The following ARHGEF28 variants were observed in gnomAD, a reference collection of about 807,000 sequenced individuals.
The protein encoded by ARHGEF28 is 190 kDa guanine nucleotide exchange factor.
In ARHGEF28, 152 loss-of-function variants were observed where a neutral mutation model predicts 206.6. The ratio of observed to expected loss-of-function variants is 0.74; its 90% CI spans 0.64 to 0.84. The LOEUF (loss-of-function observed/expected upper bound fraction) is 0.84. Among genes scored for constraint, ARHGEF28 ranks in the 40% least tolerant of loss-of-function variants. The pLI is 0.00. For synonymous variants in ARHGEF28, 763 were observed against 776.4 expected (o/e 0.98, Z 0.29); for missense variants, 2,028 against 2,073.2 (o/e 0.98, Z 0.42).
chr5:73,906,471 C>G (rs1358721520), intron 33 of ARHGEF28, among the ~76,000 whole-genome samples: 2 of 152,214 alleles, frequency 1.3e-5, no homozygotes, highest in East Asian at 3.9e-4. Flanking sequence ...ATCTACCTGC[C>G]TTGGCCTCCC....
chr5:73,841,684 G>C (rs1285581029), intron 11 of ARHGEF28, among the ~76,000 whole-genome samples: 4 of 144,956 alleles, frequency 2.8e-5, no homozygotes, highest in South Asian at 2.2e-4. Flanking sequence ...CAACCTGGGT[G>C]ACAGAGTGAG....
chr5:73,705,312 C>G (rs949589889), intron 2 of ARHGEF28, among the ~76,000 whole-genome samples: 1 of 152,196 alleles, frequency 6.6e-6, no homozygotes, highest in African/African-American at 2.4e-5. Context: ...CACCTCTTTG[C>G]GTTACACTCT....
chr5:73,929,158 T>A (rs944414921), intron 35 of ARHGEF28, among the ~76,000 whole-genome samples: 1 of 152,224 alleles, frequency 6.6e-6, no homozygotes, highest in African/African-American at 2.4e-5. Flanking sequence ...CTTGTCTACC[T>A]GATTGTATTA....
chr5:73,818,437 A>G (rs1363368281), intron 9 of ARHGEF28, among the ~76,000 whole-genome samples: 2 of 152,100 alleles, frequency 1.3e-5, no homozygotes, highest in East Asian at 1.9e-4. Context: ...GTACACATGC[A>G]TGTGGATATG....
Position 73,773,866 on chromosome 5 carries a change from A to G in ARHGEF28, c.487A>G (p.Arg163Gly), listed in dbSNP as rs1205735992. ...GSSSLEVSSH[R>G]ESLLHLAMRW... ...TTTTTCCTCTTCAGTATCTTCTCAC[A>G]GAGAATCTCTTCTACACCTGGCTAT... The change falls in exon 5 of 36, where the codon AGA becomes GGA. Residue 163 changes from arginine (R) to glycine (G), a missense_variant. Physicochemically the swap from Arg to Gly is moderately radical, Grantham distance 125. Around this residue, in one of 3 missense-constraint regions of ARHGEF28, gnomAD observed 1,002 missense variants for 1,015.3 expected, o/e 0.99. Transcript: ENST00000513042. The G allele has an allele frequency of 6.2e-7, 1 of 1,601,326 alleles. No homozygotes were observed. Among genetic ancestry groups the G allele is most frequent in the South Asian group, 1.1e-5 (1 of 87,902 alleles).
intron 2 of ARHGEF28, among the ~76,000 whole-genome samples, chr5:73,724,431 G>C (rs1279365405): frequency 6.6e-6 from 1 of 152,142 alleles, no homozygotes; most frequent in African/African-American, 2.4e-5. Context: ...GTGTGAACGT[G>C]CATATAGTAA....
chr5:73,803,143 T>C (rs926970665), intron 9 of ARHGEF28, among the ~76,000 whole-genome samples: 2 of 152,144 alleles, frequency 1.3e-5, no homozygotes, highest in Non-Finnish European at 2.9e-5. Flanking sequence ...ATTTATTCCT[T>C]TTCCCCTGCA....
In ARHGEF28 at chr5:73,857,870, C is replaced by G. The variant is rs893707735; in HGVS notation, c.1914+91C>G. The stretch of plus-strand genomic sequence containing the variant: ...AATTTCCACTTTCCCTTTGAAATCA[C>G]TTACCTTAGATTTTATTTACACATA... On this transcript the variant is annotated intron_variant, in intron 15 of 35. Transcript: ENST00000513042. 6.9e-6 allele frequency: 10 copies of G among 1,447,308 alleles called. No homozygotes were observed. The African/African-American group carries it at 1.3e-4, about 19-fold the overall frequency. 89.7% of individuals were successfully genotyped at this position (1,447,308 alleles called of 1,614,324 possible).
chr5:73,857,807 A>G, intron 15 of ARHGEF28, 28 bp downstream of exon 15: 1 of 1,597,588 alleles, frequency 6.3e-7, no homozygotes, highest in Non-Finnish European at 8.5e-7. Flanking sequence ...CTTATTTTCT[A>G]TAAAATATAG....
At chr5:73,911,804 C>T in intron 35 of ARHGEF28, 1 of 493,532 alleles carries the variant, frequency 2.0e-6, no homozygotes, top group Non-Finnish European at 3.6e-6. Context: ...AGAGAATGCT[C>T]ACAACATGTG....
intron 14 of ARHGEF28, among the ~76,000 whole-genome samples, chr5:73,854,358 C>T (rs951617183): frequency 1.3e-5 from 2 of 152,168 alleles, no homozygotes; most frequent in Non-Finnish European, 2.9e-5. Context: ...TTTCAGCAGA[C>T]ACTCTGTTCT....
chr5:73,851,242 G>C (rs1050718214), intron 13 of ARHGEF28, among the ~76,000 whole-genome samples: 6 of 152,058 alleles, frequency 3.9e-5, no homozygotes, highest in Admixed American at 3.9e-4. Flanking sequence ...AGGTCTATTT[G>C]AACAGAGTCC....
At chr5:73,699,151 CTGTGTGTGTGTGTGTA>C (rs1030344972) in intron 2 of ARHGEF28, among the ~76,000 whole-genome samples, 21 of 150,372 alleles carry the variant, frequency 1.4e-4, no homozygotes, top group East Asian at 3.9e-4. Context: ...TCCCCTAGAG[CTGTGTGTGTGTGTGTA>C]TGTGTGTGTG....
chr5:73,725,799 C>T (rs921393645), intron 2 of ARHGEF28, among the ~76,000 whole-genome samples: 1 of 152,058 alleles, frequency 6.6e-6, no homozygotes, highest in East Asian at 1.9e-4. Context: ...AGAATAGGCT[C>T]ATGACATTTG....
chr5:73,647,931 G>T (rs527420677), intron 1 of ARHGEF28, among the ~76,000 whole-genome samples: 1 of 152,174 alleles, frequency 6.6e-6, no homozygotes, highest in East Asian at 1.9e-4. Context: ...ATCTTTTCTT[G>T]AGATCTTTGC....
At chr5:73,688,213 G>A (rs1396801674) in intron 2 of ARHGEF28, among the ~76,000 whole-genome samples, 1 of 151,956 alleles carries the variant, frequency 6.6e-6, no homozygotes, top group African/African-American at 2.4e-5. Flanking sequence ...TTACCTCAAG[G>A]ACAATTAGAT....
chr5:73,765,779 T>C (rs567181347), intron 4 of ARHGEF28, among the ~76,000 whole-genome samples: 9 of 152,158 alleles, frequency 5.9e-5, no homozygotes, highest in South Asian at 2.1e-4. Context: ...CATGAATACA[T>C]ATGTGGCTTT....
intron 7 of ARHGEF28, among the ~76,000 whole-genome samples, chr5:73,791,348 A>G (rs1362818759): frequency 1.3e-5 from 2 of 152,228 alleles, no homozygotes; most frequent in Non-Finnish European, 2.9e-5. Flanking sequence ...CACTACCATC[A>G]GGGTGTTTTT....
intron 22 of ARHGEF28, among the ~76,000 whole-genome samples, chr5:73,881,182 A>G (rs1308427735): frequency 1.3e-5 from 2 of 152,240 alleles, no homozygotes; most frequent in Admixed American, 6.5e-5. Flanking sequence ...CTATGGATCT[A>G]TCTTTCCATA....
Sources: allele counts gnomAD v4.1 joint callset (sites outside exome capture counted in the v4.1 genomes callset), GRCh38; gene constraint gnomAD v4.1.1; regional missense constraint gnomAD v4.1.1; transcripts MANE v1.5; gene names NCBI Gene and HGNC (gene_info 2026-07-23, HGNC 2026-07-21).